The following EXOC7 variants were observed in gnomAD, a reference collection of about 807,000 sequenced individuals.
EXOC7 encodes exocyst complex component Exo70.
EXOC7 carries 51 observed loss-of-function variants against 87.6 expected under a neutral mutation model. The observed-to-expected ratio is 0.58, with a 90% CI of 0.46 to 0.73. The LOEUF is 0.73. Ranked by LOEUF, EXOC7 falls within the 30% of genes least tolerant of loss-of-function variation. EXOC7 has a pLI of 0.00. For synonymous variants in EXOC7, 327 were observed against 357.1 expected, an observed-to-expected ratio of 0.92 and a Z score of 0.95; for missense variants, 744 against 888.4, an observed-to-expected ratio of 0.84 and a Z score of 2.07.
Position 76,081,660 on chromosome 17 carries a change from T to TA in EXOC7, c.*1987dup, listed in dbSNP as rs2066983079. ...CTGCCCCTCCGGGCCATTGAGCGCA[T>TA]AGGCTACAAGGTGACATTGCTGCTG... On this transcript the variant is annotated 3_prime_UTR_variant, in exon 19 of 19. Coordinates refer to ENST00000589210, the MANE Select transcript of EXOC7 (RefSeq NM_001013839.4). The TA allele has an allele frequency of 6.2e-7, 1 of 1,614,032 alleles. No homozygotes were observed. The highest frequency in any genetic ancestry group is 1.7e-5 in the Admixed American group (1 of 60,016).
Position 76,103,749 on chromosome 17 carries a change from G to T in EXOC7, c.-57C>A, listed in dbSNP as rs1370185753. The T allele has an allele frequency of 6.5e-7, 1 of 1,535,066 alleles. No individual in the cohort carries two copies. Among genetic ancestry groups the T allele is most frequent in the Non-Finnish European group, 8.8e-7 (1 of 1,137,010 alleles). On this transcript the variant is annotated 5_prime_UTR_variant, in exon 1 of 19. Coordinates refer to ENST00000589210, the MANE Select transcript of EXOC7 (RefSeq NM_001013839.4). Reference sequence around the variant, plus strand: ...TATCTTTCCTCCGCGGGCCCACCGGGCCCCCGTCCCCGTCACACCCACTTC... The same window carrying T: ...TATCTTTCCTCCGCGGGCCCACCGGTCCCCCGTCCCCGTCACACCCACTTC...
rs2066972009 is a variant in EXOC7, at chr17:76,081,495, G to T, written c.*2153C>A. ...AGAGGCCAGGCCCCATGCCCCCGATGCCCACCTCCTTCCCCCCCGCCGGGA... is the reference window on the plus strand; with the variant it reads ...AGAGGCCAGGCCCCATGCCCCCGATTCCCACCTCCTTCCCCCCCGCCGGGA... On this transcript the variant is annotated 3_prime_UTR_variant, in exon 19 of 19. Coordinates refer to ENST00000589210, the MANE Select transcript of EXOC7 (RefSeq NM_001013839.4). 6.2e-7 allele frequency: 1 copy of T among 1,610,174 alleles called. No individual in the cohort carries two copies. Among genetic ancestry groups the T allele is most frequent in the East Asian group, 2.2e-5 (1 of 44,832 alleles).
rs911096339 is a variant in EXOC7, at chr17:76,082,115, G to A, written c.*1533C>T. The A allele has an allele frequency of 3.3e-5, 50 of 1,514,902 alleles. No homozygotes were observed. Among genetic ancestry groups the A allele is most frequent in the Non-Finnish European group, 3.9e-5 (44 of 1,133,918 alleles). 93.8% of individuals were successfully genotyped at this position (1,514,902 alleles called of 1,614,324 possible). A position where few individuals can be genotyped will look rare whatever the true frequency, so the allele number is the denominator to read the frequency against. On this transcript the variant is annotated 3_prime_UTR_variant, in exon 19 of 19. Transcript: ENST00000589210. ...ACACCTAGGGCTGGGGTGAGGGCACGGAGGTCCAGGTGTGGGTAGAGGCCC... is the reference window on the plus strand; with the variant it reads ...ACACCTAGGGCTGGGGTGAGGGCACAGAGGTCCAGGTGTGGGTAGAGGCCC...
At chr17:76,092,048 G>A (rs867118181) in intron 6 of EXOC7, among the ~76,000 whole-genome samples, 2 of 152,240 alleles carry the variant, frequency 1.3e-5, no homozygotes, top group East Asian at 1.9e-4. Context: ...GAGACATCTC[G>A]GGCCAGAAGA....
rs9895541 is a variant in EXOC7, at chr17:76,101,250, G to A, written c.417+21C>T. 0.028 allele frequency: 45,524 copies of A among 1,613,792 alleles called. 5,791 individuals carry two copies. In the African/African-American group the frequency reaches 0.38, roughly 13 times the overall value. Reference sequence around the variant, plus strand: ...AGACTGATATCCCCAAGCTTCTCACGTTATTCTGCGGACCCCTTACCACTT... The same window carrying A: ...AGACTGATATCCCCAAGCTTCTCACATTATTCTGCGGACCCCTTACCACTT... On this transcript the variant is annotated intron_variant, in intron 4 of 18. Coordinates refer to ENST00000589210, the MANE Select transcript of EXOC7 (RefSeq NM_001013839.4).
At position 76,088,948 on chromosome 17, in the gene EXOC7, G is replaced by C. The variant is rs200958632; in HGVS notation, c.1048-25C>G. The C allele has an allele frequency of 8.2e-4, 1,314 of 1,606,838 alleles. 7 individuals carry two copies. The highest frequency in any genetic ancestry group is 7.2e-4 in the Admixed American group (43 of 59,976). On this transcript the variant is annotated intron_variant, in intron 8 of 18. Coordinates refer to ENST00000589210, the MANE Select transcript of EXOC7 (RefSeq NM_001013839.4). The stretch of plus-strand genomic sequence containing the variant: ...CCTGAGGGGGCAGGGAGACAGTTCA[G>C]GGAAGGGTGGGGCGGTGGGAGCTAG...
chr17:76,098,998 T>G lies in EXOC7; in HGVS notation c.418-980A>C, dbSNP rs199902750. 4.6e-5 allele frequency among the ~76,000 whole-genome samples: 7 copies of G among 152,178 alleles called. No homozygotes were observed. The East Asian group carries it at 1.3e-3, about 29-fold the overall frequency. On this transcript the variant is annotated intron_variant, in intron 4 of 18. Coordinates refer to ENST00000589210, the MANE Select transcript of EXOC7 (RefSeq NM_001013839.4). ...AATATCAAGTTGAAAACTTTTGTGCTGCAAATGATACCACCAACAAAGTGA... is the reference window on the plus strand; with the variant it reads ...AATATCAAGTTGAAAACTTTTGTGCGGCAAATGATACCACCAACAAAGTGA...
Position 76,085,664 on chromosome 17 carries a change from GCAGGCCACTTACTTCTC to G in EXOC7, c.1612_1616+12del. On this transcript the variant is annotated splice_donor_variant and splice_donor_5th_base_variant and coding_sequence_variant and intron_variant, in exon 14 of 19. Coordinates refer to ENST00000589210, the MANE Select transcript of EXOC7 (RefSeq NM_001013839.4). LOFTEE classifies it high-confidence loss of function. ...AGGTGAGAGCCGCAGACTCACTCCC[GCAGGCCACTTACTTCTC>G]CAGGGACTTGAGGATGTAATTGTAG... is the stretch of plus-strand genomic sequence containing the variant. 6.2e-7 allele frequency: 1 copy of G among 1,613,936 alleles called. No individual in the cohort carries two copies. Among genetic ancestry groups the G allele is most frequent in the Non-Finnish European group, 8.5e-7 (1 of 1,180,010 alleles).
At chr17:76,083,840 G>T in intron 18 of EXOC7, 90 bp from the exon 19 acceptor site, 2 of 1,522,296 alleles carry the variant, frequency 1.3e-6, no homozygotes, top group Non-Finnish European at 1.8e-6. Flanking sequence ...GTCTTGGAAG[G>T]GGTGGCCCTG....
At position 76,097,931 on chromosome 17, in the gene EXOC7, G is replaced by A. The variant is rs760469831; in HGVS notation, c.505C>T (p.Leu169Phe). The A allele has an allele frequency of 3.1e-6, 5 of 1,614,062 alleles. No homozygotes were observed. The highest frequency in any genetic ancestry group is 1.1e-5 in the South Asian group (1 of 91,084). Residue 169 changes from leucine (L) to phenylalanine (F), a missense_variant, in exon 5 of 19, where the codon CTC becomes TTC. By Grantham distance (22) the Leu-to-Phe change is conservative. Transcript: ENST00000589210. ...TRHSKVVSPVLILDLISGDDD... is the reference protein window; with the variant it reads ...TRHSKVVSPVFILDLISGDDD... ...TCACCACTGATCAGATCCAAGATGA[G>A]CACGGGCGAGACGACCTTACTGTGC...
At chr17:76,089,374 G>C in intron 7 of EXOC7, 54 bp from the exon 8 acceptor site, 1 of 1,600,882 alleles carries the variant, frequency 6.2e-7, no homozygotes, top group South Asian at 1.1e-5. Flanking sequence ...CACACTCCTG[G>C]CTGGGGGCGG....
At chr17:76,101,097 A>G (rs1265031052) in intron 4 of EXOC7, 174 bp downstream of exon 4, 1 of 1,209,788 alleles carries the variant, frequency 8.3e-7, no homozygotes. Flanking sequence ...AATTTTTAAT[A>G]ATAAAAAATG....
chr17:76,088,020 C>G (rs777954521), intron 11 of EXOC7, 40 bp downstream of exon 11: 3 of 1,611,826 alleles, frequency 1.9e-6, no homozygotes, highest in African/African-American at 2.7e-5. Flanking sequence ...CCTGGGCCCT[C>G]CTTCCTCCCC....
intron 15 of EXOC7, 182 bp downstream of exon 15, chr17:76,085,132 G>C: frequency 3.3e-6 from 2 of 611,670 alleles, no homozygotes; most frequent in Non-Finnish European, 5.8e-6. Context: ...CTAGGAGCAG[G>C]TAGTGGTAGA....
intron 4 of EXOC7, 82 bp from the exon 5 acceptor site, chr17:76,098,100 T>TAA (rs1361632567): frequency 7.9e-6 from 10 of 1,268,228 alleles, no homozygotes; most frequent in Non-Finnish European, 1.1e-5. Context: ...GTGCCAGCTC[T>TAA]GTCTTCTTAA....
chr17:76,086,989 T>C (rs1178462301), intron 12 of EXOC7: 21 of 1,074,658 alleles, frequency 2.0e-5, no homozygotes, highest in Non-Finnish European at 2.8e-5. Flanking sequence ...AAACGGCATG[T>C]CAACCCGAAT....
At chr17:76,100,134 G>A (rs1277569346) in intron 4 of EXOC7, among the ~76,000 whole-genome samples, 1 of 152,004 alleles carries the variant, frequency 6.6e-6, no homozygotes, top group Non-Finnish European at 1.5e-5. Flanking sequence ...AAATCACATA[G>A]ATTCAAGTTC....
At chr17:76,090,271 G>A (rs934438300) in intron 7 of EXOC7, 9 of 1,527,684 alleles carry the variant, frequency 5.9e-6, no homozygotes, top group Non-Finnish European at 6.2e-6. Context: ...CAGGCCATCC[G>A]GGGACCGCTG....
intron 2 of EXOC7, chr17:76,103,155 A>G: frequency 1.7e-6 from 1 of 587,736 alleles, no homozygotes; most frequent in Non-Finnish European, 3.0e-6. Context: ...GGCCAGTGGG[A>G]AGTGCAGCCT....
Sources: allele counts gnomAD v4.1 joint callset (sites outside exome capture counted in the v4.1 genomes callset), GRCh38; gene constraint gnomAD v4.1.1; transcripts MANE v1.5; gene names NCBI Gene and HGNC (gene_info 2026-07-23, HGNC 2026-07-21).